KCNN3: variants seen among roughly 807,000 people sequenced by gnomAD.
KCNN3 encodes potassium calcium-activated channel subfamily N member 3.
KCNN3 carries 16 observed loss-of-function variants against 62.9 expected under a neutral mutation model. The ratio of observed to expected loss-of-function variants is 0.25; its 90% CI spans 0.17 to 0.39. The LOEUF is 0.39. Among genes scored for constraint, KCNN3 ranks in the 10% least tolerant of loss-of-function variants. The probability of loss-of-function intolerance (pLI) is 1.00; values close to 1 mark genes in which losing one functional copy is unlikely to be tolerated. For missense variants in KCNN3, 599 were observed against 949.4 expected, an observed-to-expected ratio of 0.63 and a Z score of 4.85; for synonymous variants, 370 against 389.2, an observed-to-expected ratio of 0.95 and a Z score of 0.58.
At chr1:154,776,206 G>C (rs1395347776) in intron 2 of KCNN3, among the ~76,000 whole-genome samples, 2 of 152,232 alleles carry the variant, frequency 1.3e-5, no homozygotes, top group African/African-American at 4.8e-5. Context: ...TATTAGCCAT[G>C]TGATCTCAGG....
intron 2 of KCNN3, among the ~76,000 whole-genome samples, chr1:154,779,010 G>A (rs779887774): frequency 6.6e-5 from 10 of 152,022 alleles, no homozygotes; most frequent in Non-Finnish European, 1.0e-4. Flanking sequence ...AAATGTCATC[G>A]CCATGAGGCT....
In KCNN3 at chr1:154,722,981, C is replaced by T. The variant is rs889334796; in HGVS notation, c.1701+2935G>A. 7.2e-5 allele frequency among the ~76,000 whole-genome samples: 11 copies of T among 152,092 alleles called. No individual in the cohort carries two copies. In the South Asian group the frequency reaches 8.3e-4, roughly 11 times the overall value. ...TCCTGACCTCATGATCCACCCACCT[C>T]GGCCTCCCAAAGTGATGGGATTACA... On this transcript the variant is annotated intron_variant, in intron 5 of 7. Coordinates refer to ENST00000271915, the MANE Select transcript of KCNN3 (RefSeq NM_002249.6).
chr1:154,844,372 G>A (rs889148683), intron 1 of KCNN3, among the ~76,000 whole-genome samples: 1 of 152,228 alleles, frequency 6.6e-6, no homozygotes, highest in Admixed American at 6.5e-5. Flanking sequence ...AAGCCAGGGA[G>A]AGAGTCAGAC....
intron 1 of KCNN3, among the ~76,000 whole-genome samples, chr1:154,864,807 T>C (rs1218628991): frequency 6.6e-6 from 1 of 151,384 alleles, no homozygotes; most frequent in Non-Finnish European, 1.5e-5. Context: ...AGGAGCATGG[T>C]GGGGGAGTGG....
chr1:154,773,235 G>T (rs1648647245), intron 2 of KCNN3, among the ~76,000 whole-genome samples: 1 of 152,156 alleles, frequency 6.6e-6, no homozygotes, highest in Non-Finnish European at 1.5e-5. Flanking sequence ...TGCACACATG[G>T]AGGTCCCTGG....
chr1:154,723,689 T>A (rs1298946429), intron 5 of KCNN3, among the ~76,000 whole-genome samples: 3 of 152,138 alleles, frequency 2.0e-5, no homozygotes, highest in Non-Finnish European at 4.4e-5. Context: ...AAAACCAGAA[T>A]AAACAGAGAG....
At chr1:154,807,442 G>A (rs572364852) in intron 2 of KCNN3, among the ~76,000 whole-genome samples, 22 of 152,232 alleles carry the variant, frequency 1.4e-4, no homozygotes, top group African/African-American at 5.1e-4. Flanking sequence ...GCACAAAGTC[G>A]GCTTTGGGTG....
At chr1:154,863,671 A>C (rs1309321063) in intron 1 of KCNN3, among the ~76,000 whole-genome samples, 1 of 152,158 alleles carries the variant, frequency 6.6e-6, no homozygotes, top group Non-Finnish European at 1.5e-5. Flanking sequence ...TATTTTTTTA[A>C]AGCAGATCTT....
chr1:154,755,894 AAGAAGAAGGAGG>A (rs1651166244), intron 3 of KCNN3, among the ~76,000 whole-genome samples: 1 of 133,902 alleles, frequency 7.5e-6, no homozygotes, highest in South Asian at 2.6e-4. Flanking sequence ...GAAGAGGAGG[AAGAAGAAGGAGG>A]AGAAGAAGAA....
intron 1 of KCNN3, among the ~76,000 whole-genome samples, chr1:154,866,404 C>T (rs370019195): frequency 2.6e-5 from 4 of 152,210 alleles, no homozygotes; most frequent in Non-Finnish European, 4.4e-5. Context: ...TCTCCCTACT[C>T]GACAGCTGGG....
At chr1:154,716,807 C>T (rs1295978657) in intron 5 of KCNN3, among the ~76,000 whole-genome samples, 3 of 152,190 alleles carry the variant, frequency 2.0e-5, no homozygotes, top group Non-Finnish European at 2.9e-5. Flanking sequence ...TGGGCTTCTG[C>T]TCAGGGAACT....
At chr1:154,733,275 C>T (rs1050435292) in intron 3 of KCNN3, 131 bp from the exon 4 acceptor site, 2 of 949,750 alleles carry the variant, frequency 2.1e-6, no homozygotes, top group Non-Finnish European at 1.7e-6. Context: ...GTGGCTCACA[C>T]AGATCTCTTT....
At chr1:154,779,048 C>T (rs1430332228) in intron 2 of KCNN3, among the ~76,000 whole-genome samples, 1 of 152,068 alleles carries the variant, frequency 6.6e-6, no homozygotes, top group Non-Finnish European at 1.5e-5. Flanking sequence ...CTCACTATCC[C>T]TTTCACCCCA....
rs546354555 is a variant in KCNN3, at chr1:154,791,679, T to C, written c.1030-19286A>G. Among the ~76,000 whole-genome samples, 26 of 152,328 alleles carry C rather than the reference T, an allele frequency of 1.7e-4. No individual in the cohort carries two copies. The East Asian group carries it at 4.6e-3, about 27-fold the overall frequency. On this transcript the variant is annotated intron_variant, in intron 2 of 7. Transcript: ENST00000271915. ...CCCCGATGTTAATTTTAGAAATAGCTTGAAGCCCTGTCCAACTTGAGAGTG... is the reference window on the plus strand; with the variant it reads ...CCCCGATGTTAATTTTAGAAATAGCCTGAAGCCCTGTCCAACTTGAGAGTG...
chr1:154,713,228 C>T (rs937123582), intron 7 of KCNN3, among the ~76,000 whole-genome samples: 1 of 152,180 alleles, frequency 6.6e-6, no homozygotes, highest in Non-Finnish European at 1.5e-5. Flanking sequence ...CGCAGAGACA[C>T]ACCTGAGCGA....
chr1:154,800,033 C>T (rs1017046927), intron 2 of KCNN3, among the ~76,000 whole-genome samples: 12 of 152,198 alleles, frequency 7.9e-5, no homozygotes, highest in East Asian at 1.9e-4. Context: ...AAGGGTGTGA[C>T]GTATGCATGG....
At chr1:154,795,493 C>T (rs1649695300) in intron 2 of KCNN3, among the ~76,000 whole-genome samples, 1 of 152,284 alleles carries the variant, frequency 6.6e-6, no homozygotes, top group South Asian at 2.1e-4. Flanking sequence ...GTGGAAGCTG[C>T]ACATCATTCA....
In KCNN3 at chr1:154,701,560, T is replaced by C. The variant is rs1699852925; in HGVS notation, c.*6416A>G. 2 of 149,946 alleles carry C rather than the reference T, an allele frequency of 1.3e-5. No individual in the cohort carries two copies. Among genetic ancestry groups the C allele is most frequent in the Non-Finnish European group, 3.0e-5 (2 of 67,148 alleles). The allele number at this position is 149,946 out of a possible 1,614,324, so 9.3% of individuals were successfully genotyped here. ...TTCCATGAGTTGCTTAATTTTGCTA[T>C]AAAGGACAATATCTCAACGGGAACC... On this transcript the variant is annotated 3_prime_UTR_variant, in exon 8 of 8. Coordinates refer to ENST00000271915, the MANE Select transcript of KCNN3 (RefSeq NM_002249.6).
At chr1:154,819,941 A>G (rs1390305942) in intron 2 of KCNN3, among the ~76,000 whole-genome samples, 1 of 152,242 alleles carries the variant, frequency 6.6e-6, no homozygotes, top group Non-Finnish European at 1.5e-5. Flanking sequence ...GCAAGAGTTC[A>G]GCAAAGTGGG....
Sources: gnomAD v4.1 joint callset for allele counts (sites outside exome capture counted in the v4.1 genomes callset) on GRCh38, gnomAD v4.1.1 for gene constraint, MANE v1.5 for transcripts, NCBI Gene and HGNC (gene_info 2026-07-23, HGNC 2026-07-21) for gene names.